DOCK3: variants seen among roughly 807,000 people sequenced by gnomAD.
DOCK3 encodes dedicator of cytokinesis protein 3.
DOCK3 carries 60 observed loss-of-function variants against 265.6 expected under a neutral mutation model. That is an observed-to-expected ratio of 0.23 (90% confidence interval 0.18 to 0.28). The LOEUF (loss-of-function observed/expected upper bound fraction) is 0.28. Ranked by LOEUF, DOCK3 falls within the 10% of genes least tolerant of loss-of-function variation. DOCK3 has a pLI of 1.00. For missense variants in DOCK3, 1,981 were observed against 2,594.3 expected (o/e 0.76, Z 5.14); for synonymous variants, 881 against 938.0 (o/e 0.94, Z 1.11).
At chr3:51,179,607 C>T (rs1430845960) in intron 12 of DOCK3, among the ~76,000 whole-genome samples, 1 of 151,972 alleles carries the variant, frequency 6.6e-6, no homozygotes, top group Admixed American at 6.6e-5. Flanking sequence ...ATCTAATGTG[C>T]GTATACATGT....
At chr3:51,357,193 G>T in intron 44 of DOCK3, 52 bp downstream of exon 44, 3 of 1,562,306 alleles carry the variant, frequency 1.9e-6, no homozygotes, top group Non-Finnish European at 2.6e-6. Context: ...CCAGGAAGGC[G>T]GCTCACAGGC....
chr3:50,857,623 G>A (rs2046667082), intron 3 of DOCK3, among the ~76,000 whole-genome samples: 1 of 152,132 alleles, frequency 6.6e-6, no homozygotes, highest in Non-Finnish European at 1.5e-5. Flanking sequence ...CAAAGAATAT[G>A]GACAGACACT....
intron 5 of DOCK3, among the ~76,000 whole-genome samples, chr3:51,004,247 G>C (rs2078586706): frequency 6.6e-6 from 1 of 152,018 alleles, no homozygotes; most frequent in African/African-American, 2.4e-5. Flanking sequence ...GGGGAATCCA[G>C]CTACCACGTT....
rs2040545931 is a variant in DOCK3 at position 50,761,796 on chromosome 3, G to C, written c.38-16879G>C. On this transcript the variant is annotated intron_variant, in intron 1 of 52. Transcript: ENST00000266037. ...GGATTATAAATCATGCTGCTATAAA[G>C]ACACATGCACATGTATGTTTATTGT... Among the ~76,000 whole-genome samples the C allele has an allele frequency of 2.0e-5, 3 of 152,138 alleles. No homozygotes were observed. In the South Asian group the frequency reaches 6.2e-4, roughly 32 times the overall value.
At chr3:51,344,730 G>A (rs533082949) in intron 38 of DOCK3, among the ~76,000 whole-genome samples, 2 of 152,288 alleles carry the variant, frequency 1.3e-5, no homozygotes, top group South Asian at 2.1e-4. Context: ...GGGAAACCAA[G>A]GCAAAAGATG....
At chr3:50,911,852 A>G (rs2049870320) in intron 4 of DOCK3, among the ~76,000 whole-genome samples, 1 of 151,874 alleles carries the variant, frequency 6.6e-6, no homozygotes, top group Non-Finnish European at 1.5e-5. Flanking sequence ...TCTTTTTATC[A>G]GTGTTTAATA....
chr3:50,758,533 C>T (rs990841288), intron 1 of DOCK3, among the ~76,000 whole-genome samples: 2 of 152,016 alleles, frequency 1.3e-5, no homozygotes, highest in Admixed American at 6.6e-5. Flanking sequence ...ACCCTGAACG[C>T]GCCGATCTCG....
At chr3:50,806,256 C>T (rs1232895974) in intron 2 of DOCK3, among the ~76,000 whole-genome samples, 3 of 151,998 alleles carry the variant, frequency 2.0e-5, no homozygotes, top group African/African-American at 7.2e-5. Context: ...GCTGCTCAGT[C>T]AGCTCAGGGG....
chr3:50,911,841 T>C (rs1056920434), intron 4 of DOCK3, among the ~76,000 whole-genome samples: 1 of 152,066 alleles, frequency 6.6e-6, no homozygotes, highest in Non-Finnish European at 1.5e-5. Context: ...CCTCTTCAGT[T>C]TCTTTTTATC....
intron 35 of DOCK3, 108 bp downstream of exon 35, chr3:51,333,361 C>A: frequency 9.0e-7 from 1 of 1,113,688 alleles, no homozygotes; most frequent in Non-Finnish European, 1.3e-6. Flanking sequence ...ATGGGGAGGA[C>A]TGTTGTGATA....
chr3:51,280,834 A>T (rs868358209), intron 27 of DOCK3, among the ~76,000 whole-genome samples: 4 of 152,136 alleles, frequency 2.6e-5, no homozygotes, highest in African/African-American at 7.2e-5. Context: ...TAATTTTTTT[A>T]AAAAATACAG....
At chr3:50,919,212 C>G (rs528157465) in intron 4 of DOCK3, among the ~76,000 whole-genome samples, 2 of 152,248 alleles carry the variant, frequency 1.3e-5, no homozygotes, top group African/African-American at 4.8e-5. Flanking sequence ...CAGCTTTGTT[C>G]TTTTGGCTTA....
At chr3:51,080,208 T>C (rs2082180976) in intron 7 of DOCK3, among the ~76,000 whole-genome samples, 1 of 152,246 alleles carries the variant, frequency 6.6e-6, no homozygotes, top group Non-Finnish European at 1.5e-5. Flanking sequence ...AGCTGCATAG[T>C]TTCTTTCCAT....
intron 2 of DOCK3, among the ~76,000 whole-genome samples, chr3:50,813,125 T>C (rs182495905): frequency 4.6e-5 from 7 of 152,246 alleles, no homozygotes; most frequent in Admixed American, 3.9e-4. Context: ...TAGCAAAAAA[T>C]TGGTAATGTC....
intron 5 of DOCK3, among the ~76,000 whole-genome samples, chr3:51,015,140 T>C (rs1387787210): frequency 1.3e-5 from 2 of 152,104 alleles, no homozygotes; most frequent in African/African-American, 2.4e-5. Context: ...CTGGTCTAAT[T>C]GCTCCAGCTA....
At chr3:51,017,145 G>T (rs931043671) in intron 5 of DOCK3, among the ~76,000 whole-genome samples, 1 of 149,060 alleles carries the variant, frequency 6.7e-6, no homozygotes, top group African/African-American at 2.5e-5. Flanking sequence ...TTTTTTTCTA[G>T]GTTTTTCAAT....
At chr3:51,074,295 T>C (rs1461827324) in intron 6 of DOCK3, among the ~76,000 whole-genome samples, 1 of 152,194 alleles carries the variant, frequency 6.6e-6, no homozygotes, top group African/African-American at 2.4e-5. Context: ...TACAACCCTA[T>C]AAACTCCATT....
At chr3:50,679,341 T>C (rs1360700140) in intron 1 of DOCK3, among the ~76,000 whole-genome samples, 1 of 152,166 alleles carries the variant, frequency 6.6e-6, no homozygotes, top group Non-Finnish European at 1.5e-5. Flanking sequence ...TAGTAGAACA[T>C]GAAAAATTTT....
At chr3:50,765,904 C>G (rs952319033) in intron 1 of DOCK3, among the ~76,000 whole-genome samples, 1 of 152,186 alleles carries the variant, frequency 6.6e-6, no homozygotes, top group Non-Finnish European at 1.5e-5. Flanking sequence ...AAACCTCTAA[C>G]CATTCCCCAT....
Sources: gnomAD v4.1 joint callset for allele counts (sites outside exome capture counted in the v4.1 genomes callset) on GRCh38, gnomAD v4.1.1 for gene constraint, MANE v1.5 for transcripts, NCBI Gene and HGNC (gene_info 2026-07-23, HGNC 2026-07-21) for gene names.